The following ATXN7 variants were observed in gnomAD, a reference collection of about 807,000 sequenced individuals.
ATXN7 encodes ataxin 7.
In ATXN7, 12 loss-of-function variants were observed where a neutral mutation model predicts 70.5. The observed-to-expected ratio is 0.17, with a 90% confidence interval of 0.11 to 0.28. The LOEUF is 0.28. Ranked by LOEUF, ATXN7 falls within the 10% of genes least tolerant of loss-of-function variation. The pLI, the probability that ATXN7 is intolerant of heterozygous loss-of-function variation, is 1.00. For synonymous variants in ATXN7, 498 were observed against 448.7 expected (o/e 1.11, Z -1.39); for missense variants, 1,256 against 1,131.7 (o/e 1.11, Z -1.58).
At chr3:63,982,558 G>T in intron 7 of ATXN7, 113 bp downstream of exon 7, 4 of 964,630 alleles carry the variant, frequency 4.1e-6, no homozygotes, top group Admixed American at 2.7e-5. Flanking sequence ...GTCAACTTCA[G>T]CTTTAGGAGG....
chr3:63,880,125 A>G (rs1467376698), intron 1 of ATXN7, among the ~76,000 whole-genome samples: 1 of 152,112 alleles, frequency 6.6e-6, no homozygotes, highest in East Asian at 1.9e-4. Context: ...TTATCAAAAG[A>G]GAGTCTGTTT....
chr3:63,958,308 A>G (rs3774718), intron 5 of ATXN7, among the ~76,000 whole-genome samples: 109,859 of 152,130 alleles, frequency 0.72, 41,101 homozygotes, highest in African/African-American at 0.93. Context: ...ATCAGGATGA[A>G]CAAATTACTT....
At chr3:63,970,138 C>G (rs2075287400) in intron 5 of ATXN7, among the ~76,000 whole-genome samples, 2 of 152,152 alleles carry the variant, frequency 1.3e-5, no homozygotes. Context: ...TGTGTGGTAT[C>G]TGTAGTCAGA....
Position 63,996,490 on chromosome 3 carries a change from A to G in ATXN7, c.2661+7A>G. On this transcript the variant is annotated splice_region_variant and intron_variant, in intron 12 of 12. Coordinates refer to ENST00000674280, the MANE Select transcript of ATXN7 (RefSeq NM_001377405.1). ...CAGTTCCCTCCTTCATCAGGTAGGAAATGGACTGTGAGCCCCATGGGAATG... is the reference window on the plus strand; with the variant it reads ...CAGTTCCCTCCTTCATCAGGTAGGAGATGGACTGTGAGCCCCATGGGAATG... 1 of 1,613,302 alleles carries G rather than the reference A, an allele frequency of 6.2e-7. No homozygotes were observed.
intron 8 of ATXN7, among the ~76,000 whole-genome samples, chr3:63,987,807 CAT>C (rs1263443125): frequency 6.6e-6 from 1 of 152,072 alleles, no homozygotes; most frequent in Admixed American, 6.6e-5. Context: ...TCACCGCTCA[CAT>C]ATCTTTTTTC....
At chr3:63,969,495 CCAAA>C (rs1345741283) in intron 5 of ATXN7, among the ~76,000 whole-genome samples, 44 of 152,244 alleles carry the variant, frequency 2.9e-4, no homozygotes, top group Middle Eastern at 3.4e-3. Context: ...ACAGAAACAA[CCAAA>C]CAAAAACAAG....
At chr3:63,964,000 T>C (rs2075176200) in intron 5 of ATXN7, among the ~76,000 whole-genome samples, 1 of 151,942 alleles carries the variant, frequency 6.6e-6, no homozygotes, top group African/African-American at 2.4e-5. Flanking sequence ...TCCAAAGGAG[T>C]AGGTGTTGTA....
chr3:63,930,804 A>G (rs1230718855), intron 4 of ATXN7, among the ~76,000 whole-genome samples: 1 of 152,202 alleles, frequency 6.6e-6, no homozygotes, highest in African/African-American at 2.4e-5. Context: ...TGCTGGGATT[A>G]CAGGCATGAG....
At chr3:63,924,685 A>T (rs1704646265) in intron 4 of ATXN7, among the ~76,000 whole-genome samples, 1 of 152,156 alleles carries the variant, frequency 6.6e-6, no homozygotes, top group South Asian at 2.1e-4. Flanking sequence ...GACAGTATGA[A>T]GGTCATTAAT....
intron 5 of ATXN7, among the ~76,000 whole-genome samples, chr3:63,953,352 G>A (rs2106662981): frequency 1.3e-5 from 2 of 152,272 alleles, no homozygotes. Flanking sequence ...GGAACAGCCA[G>A]CACACAGAAG....
chr3:63,980,422 A>G (rs945452232), intron 6 of ATXN7: 26 of 521,122 alleles, frequency 5.0e-5, no homozygotes, highest in Non-Finnish European at 7.9e-5. Context: ...ACCTAACTCT[A>G]TGTGTGTACT....
chr3:63,998,205 G>GGC, intron 12 of ATXN7: 1 of 962,660 alleles, frequency 1.0e-6, no homozygotes, highest in Non-Finnish European at 1.2e-6. Flanking sequence ...ACAGAAGGGG[G>GGC]GGGGGCCAGG....
chr3:63,911,950 G>C (rs1389164890), intron 2 of ATXN7: 1 of 152,406 alleles, frequency 6.6e-6, no homozygotes, highest in Non-Finnish European at 1.5e-5. Flanking sequence ...CCGGCCGGCC[G>C]GCTCCTCCAT....
rs1280908595 is a variant in ATXN7, at chr3:63,998,587, TGA to T, written c.2662-856_2662-855del. The T allele has an allele frequency of 3.0e-6, 3 of 985,398 alleles. No individual in the cohort carries two copies. In the African/African-American group the frequency reaches 5.2e-5, roughly 17 times the overall value. 61.0% of individuals were successfully genotyped at this position (985,398 alleles called of 1,614,324 possible). A position where few individuals can be genotyped will look rare whatever the true frequency, so the allele number is the denominator to read the frequency against. ...ATCAGTTTCCACTTAAGTTTGTGTT[TGA>T]GAGAGATTTTCTCTGTGCAGAGGAA... On this transcript the variant is annotated intron_variant, in intron 12 of 12. Coordinates refer to ENST00000674280, the MANE Select transcript of ATXN7 (RefSeq NM_001377405.1).
chr3:63,965,309 T>C (rs1426548860), intron 5 of ATXN7, among the ~76,000 whole-genome samples: 1 of 152,186 alleles, frequency 6.6e-6, no homozygotes, highest in Admixed American at 6.5e-5. Flanking sequence ...GTATCAGTCC[T>C]TAGCTCTCCT....
chr3:63,929,408 G>GA (rs1193491377), intron 4 of ATXN7, among the ~76,000 whole-genome samples: 2 of 151,940 alleles, frequency 1.3e-5, no homozygotes, highest in Admixed American at 6.5e-5. Flanking sequence ...AGGTAGCTGG[G>GA]ATTACAGGCA....
At chr3:63,916,618 C>G (rs747361717) in intron 4 of ATXN7, among the ~76,000 whole-genome samples, 3 of 151,980 alleles carry the variant, frequency 2.0e-5, no homozygotes, top group Non-Finnish European at 4.4e-5. Context: ...GGTAGTAAAC[C>G]TACCCAAGGC....
At chr3:63,989,748 C>T (rs2075637879) in intron 9 of ATXN7, among the ~76,000 whole-genome samples, 1 of 152,148 alleles carries the variant, frequency 6.6e-6, no homozygotes, top group South Asian at 2.1e-4. Context: ...ATTTTGCTAT[C>T]CCCAGGAGGT....
At chr3:63,951,086 G>T (rs1411892846) in intron 4 of ATXN7, among the ~76,000 whole-genome samples, 1 of 152,092 alleles carries the variant, frequency 6.6e-6, no homozygotes, top group Non-Finnish European at 1.5e-5. Context: ...CTAGGTAGTT[G>T]TGAGGATAAA....
Sources: allele counts gnomAD v4.1 joint callset (sites outside exome capture counted in the v4.1 genomes callset), GRCh38; gene constraint gnomAD v4.1.1; transcripts MANE v1.5; gene names NCBI Gene and HGNC (gene_info 2026-07-23, HGNC 2026-07-21).